The following HS3ST4 variants were observed in gnomAD, a reference collection of about 807,000 sequenced individuals.
The protein encoded by HS3ST4 is heparan sulfate glucosamine 3-O-sulfotransferase 4.
In HS3ST4, 17 loss-of-function variants were observed where a neutral mutation model predicts 29.2. That is an observed-to-expected ratio of 0.58 (90% CI 0.40 to 0.87). The LOEUF is 0.87. Among genes scored for constraint, HS3ST4 ranks in the 40% least tolerant of loss-of-function variants. HS3ST4 has a pLI of 0.00. For missense variants in HS3ST4, 627 were observed against 634.5 expected (o/e 0.99, Z 0.13); for synonymous variants, 314 against 285.7 (o/e 1.10, Z -1.00).
At chr16:25,966,790 G>A (rs1968847594) in intron 1 of HS3ST4, among the ~76,000 whole-genome samples, 3 of 152,154 alleles carry the variant, frequency 2.0e-5, no homozygotes, top group Non-Finnish European at 4.4e-5. Context: ...GGAGATGGGA[G>A]ATATGCCTGG....
At chr16:25,813,785 G>A (rs74575453) in intron 1 of HS3ST4, among the ~76,000 whole-genome samples, 2,852 of 152,242 alleles carry the variant, frequency 0.019, 102 homozygotes, top group African/African-American at 0.065. Context: ...GCACACAAAT[G>A]TTCACAGCAG....
intron 1 of HS3ST4, among the ~76,000 whole-genome samples, chr16:26,056,171 C>A (rs1898405693): frequency 6.6e-6 from 1 of 152,094 alleles, no homozygotes; most frequent in Non-Finnish European, 1.5e-5. Flanking sequence ...GTTTACCTAA[C>A]AAGGCAAGGG....
At chr16:25,741,652 C>G (rs894034069) in intron 1 of HS3ST4, among the ~76,000 whole-genome samples, 1 of 152,120 alleles carries the variant, frequency 6.6e-6, no homozygotes, top group Non-Finnish European at 1.5e-5. Context: ...TTAACATACC[C>G]GGCCCTGTGC....
chr16:25,830,920 G>A (rs1394849680), intron 1 of HS3ST4, among the ~76,000 whole-genome samples: 1 of 152,096 alleles, frequency 6.6e-6, no homozygotes, highest in African/African-American at 2.4e-5. Flanking sequence ...GCACCCAGTG[G>A]CTTCCCACAC....
At chr16:25,725,826 A>G (rs1035824090) in intron 1 of HS3ST4, among the ~76,000 whole-genome samples, 8 of 151,706 alleles carry the variant, frequency 5.3e-5, no homozygotes, top group African/African-American at 1.9e-4. Context: ...ATTATCTCAA[A>G]TTTGGGATTA....
rs867073035 is a variant in HS3ST4, at chr16:25,959,538, A to G, written c.735-176074A>G. ...GTCAAGGTGCAGGTAACTAAACTCT[A>G]TCTCTTCATGGGGAAGTGGCCAGAT... On this transcript the variant is annotated intron_variant, in intron 1 of 1. Transcript: ENST00000331351. Among the ~76,000 whole-genome samples the G allele has an allele frequency of 7.2e-5, 11 of 152,316 alleles. No homozygotes were observed. In the Middle Eastern group the frequency reaches 0.017, roughly 235 times the overall value.
chr16:25,904,986 G>A (rs781080778), intron 1 of HS3ST4, among the ~76,000 whole-genome samples: 1 of 152,150 alleles, frequency 6.6e-6, no homozygotes, highest in East Asian at 1.9e-4. Context: ...AGCAGACTCT[G>A]AGCTGAGTAA....
intron 1 of HS3ST4, among the ~76,000 whole-genome samples, chr16:25,934,703 T>C (rs371850514): frequency 6.0e-4 from 92 of 152,254 alleles, no homozygotes; most frequent in Middle Eastern, 6.8e-3. Flanking sequence ...GGAGAACACT[T>C]TCCCTCCATG....
rs538970352 is a variant in HS3ST4, at chr16:25,980,267, A to G, written c.735-155345A>G. On this transcript the variant is annotated intron_variant, in intron 1 of 1. Coordinates refer to ENST00000331351, the MANE Select transcript of HS3ST4 (RefSeq NM_006040.3). The stretch of plus-strand genomic sequence containing the variant: ...TGTGAATAATAGTTTCCTAATCACA[A>G]CGTGCTCTCAGCCCTCTTCCTGGGA... 2.6e-4 allele frequency among the ~76,000 whole-genome samples: 40 copies of G among 152,320 alleles called. No homozygotes were observed. In the South Asian group the frequency reaches 8.1e-3, roughly 31 times the overall value.
At chr16:25,801,936 G>C (rs1438880227) in intron 1 of HS3ST4, among the ~76,000 whole-genome samples, 2 of 148,744 alleles carry the variant, frequency 1.3e-5, no homozygotes, top group African/African-American at 4.9e-5. Flanking sequence ...TAAATGTTTT[G>C]CAATCTGATC....
At chr16:25,927,001 G>A (rs894291761) in intron 1 of HS3ST4, among the ~76,000 whole-genome samples, 1 of 152,096 alleles carries the variant, frequency 6.6e-6, no homozygotes, top group Non-Finnish European at 1.5e-5. Flanking sequence ...GGTGGAGGTT[G>A]CAGTGAGCCG....
chr16:25,765,583 G>T (rs1488605802), intron 1 of HS3ST4, among the ~76,000 whole-genome samples: 2 of 152,154 alleles, frequency 1.3e-5, no homozygotes, highest in African/African-American at 4.8e-5. Flanking sequence ...CACATCCTCA[G>T]CTAAGGGCTG....
At chr16:25,921,085 C>T (rs1183046371) in intron 1 of HS3ST4, among the ~76,000 whole-genome samples, 2 of 152,222 alleles carry the variant, frequency 1.3e-5, no homozygotes, top group Admixed American at 1.3e-4. Flanking sequence ...TTTCTCCCCA[C>T]TTTAATGTAA....
intron 1 of HS3ST4, among the ~76,000 whole-genome samples, chr16:25,719,534 T>C (rs1021668345): frequency 2.9e-4 from 44 of 152,320 alleles, no homozygotes; most frequent in African/African-American, 9.6e-4. Flanking sequence ...ATTCAGCAGT[T>C]TATCGGTATA....
At position 25,946,028 on chromosome 16, in the gene HS3ST4, CCAGA is replaced by C. The variant is rs755503775; in HGVS notation, c.735-189580_735-189577del. Reference sequence around the variant, plus strand: ...ATTCCTAGTCACTTCCAAAGGAAATCCAGACAGTCTTTGCTTAATACTATGAAGG... The same window carrying C: ...ATTCCTAGTCACTTCCAAAGGAAATCCAGTCTTTGCTTAATACTATGAAGG... On this transcript the variant is annotated intron_variant, in intron 1 of 1. Coordinates refer to ENST00000331351, the MANE Select transcript of HS3ST4 (RefSeq NM_006040.3). Among the ~76,000 whole-genome samples, 7 of 152,120 alleles carry C rather than the reference CCAGA, an allele frequency of 4.6e-5. 1 individual carries two copies. The highest frequency in any genetic ancestry group is 7.4e-5 in the Non-Finnish European group (5 of 68,024).
At chr16:26,121,387 A>G (rs371621492) in intron 1 of HS3ST4, among the ~76,000 whole-genome samples, 4 of 152,354 alleles carry the variant, frequency 2.6e-5, no homozygotes, top group African/African-American at 9.6e-5. Context: ...GGAAAAGTCA[A>G]GAGCTGAATG....
intron 1 of HS3ST4, among the ~76,000 whole-genome samples, chr16:26,100,175 C>T (rs1416103330): frequency 2.6e-5 from 4 of 152,072 alleles, no homozygotes; most frequent in Admixed American, 2.6e-4. Context: ...TGAAAAACAA[C>T]CTATCGAGGG....
At chr16:26,011,053 C>T (rs1969305535) in intron 1 of HS3ST4, among the ~76,000 whole-genome samples, 2 of 152,090 alleles carry the variant, frequency 1.3e-5, no homozygotes, top group Non-Finnish European at 2.9e-5. Context: ...GTTAATAGCT[C>T]AGGAAGGAAA....
chr16:25,867,356 C>A (rs930301043), intron 1 of HS3ST4, among the ~76,000 whole-genome samples: 2 of 152,114 alleles, frequency 1.3e-5, no homozygotes, highest in Admixed American at 6.6e-5. Context: ...GTAGCCATTT[C>A]TCCTGTGTTG....
Sources: gnomAD v4.1 joint callset for allele counts (sites outside exome capture counted in the v4.1 genomes callset) on GRCh38, gnomAD v4.1.1 for gene constraint, MANE v1.5 for transcripts, NCBI Gene and HGNC (gene_info 2026-07-23, HGNC 2026-07-21) for gene names.